The following LAMA1 variants were observed in gnomAD, a reference collection of about 807,000 sequenced individuals.
LAMA1 encodes the protein laminin subunit alpha 1.
LAMA1 carries 219 observed loss-of-function variants against 348.7 expected under a neutral mutation model. The ratio of observed to expected loss-of-function variants is 0.63; its 90% confidence interval spans 0.56 to 0.70. The LOEUF (loss-of-function observed/expected upper bound fraction) is 0.70. Among genes scored for constraint, LAMA1 ranks in the 30% least tolerant of loss-of-function variants. The pLI is 0.00. For synonymous variants in LAMA1, 1,487 were observed against 1,491.0 expected, an observed-to-expected ratio of 1.00 and a Z score of 0.06; for missense variants, 3,744 against 3,888.0, an observed-to-expected ratio of 0.96 and a Z score of 0.99.
At chr18:6,958,360 T>C (rs921407510) in intron 55 of LAMA1, 117 bp downstream of exon 55, 1 of 1,059,686 alleles carries the variant, frequency 9.4e-7, no homozygotes, top group African/African-American at 1.6e-5. Context: ...TCACTCATTA[T>C]TTGGGAATTT....
chr18:7,027,432 C>T (rs915406567), intron 16 of LAMA1, among the ~76,000 whole-genome samples: 5 of 151,814 alleles, frequency 3.3e-5, no homozygotes, highest in African/African-American at 9.7e-5. Context: ...AGGTGTTCTA[C>T]GTACCACTCT....
Position 6,949,071 on chromosome 18 carries a change from T to C in LAMA1, c.8556+30A>G, listed in dbSNP as rs576191474. The C allele has an allele frequency of 3.7e-6, 6 of 1,613,888 alleles. No individual in the cohort carries two copies. The African/African-American group carries it at 8.0e-5, about 22-fold the overall frequency. On this transcript the variant is annotated intron_variant, in intron 59 of 62. Coordinates refer to ENST00000389658, the MANE Select transcript of LAMA1 (RefSeq NM_005559.4). ...AAAATAAACACGAACACAACGAAGG[T>C]AAAATGTCAGTATGGAAAATGCTGC...
rs755383300 is a variant in LAMA1 at position 6,993,735 on chromosome 18, C to T, written c.4914G>A (p.Ala1638=). Residue 1638 remains alanine (A), a synonymous_variant, in exon 35 of 63, where the codon GCG becomes GCA. Transcript: ENST00000389658. ...NLQKKLTRML[A]STQKVNRATE... is the part of the protein sequence containing the mutation. ...TTGCCCTATTCACCTTTTGGGTACTCGCTAACATCCTAGTGAGCTGGTGGA... is the reference window on the plus strand; with the variant it reads ...TTGCCCTATTCACCTTTTGGGTACTTGCTAACATCCTAGTGAGCTGGTGGA... 4.5e-5 allele frequency: 73 copies of T among 1,610,550 alleles called. No homozygotes were observed. Among genetic ancestry groups the T allele is most frequent in the Non-Finnish European group, 5.6e-5 (66 of 1,176,822 alleles).
intron 1 of LAMA1, among the ~76,000 whole-genome samples, chr18:7,102,719 G>A (rs948527698): frequency 3.3e-5 from 5 of 152,106 alleles, no homozygotes; most frequent in Non-Finnish European, 5.9e-5. Flanking sequence ...TAGCACTGGG[G>A]TCTGGAGTAC....
rs769174589 is a variant in LAMA1 at position 6,985,211 on chromosome 18, G to T, written c.5660+26C>A. 2.5e-6 allele frequency: 4 copies of T among 1,613,768 alleles called. No individual in the cohort carries two copies. In the Admixed American group the frequency reaches 6.7e-5, roughly 27 times the overall value. ...TCCGATCAATAGACTGCAAGCTCTT[G>T]AGTTCCCACAAAGGCGTGTTCCTAC... is the stretch of plus-strand genomic sequence containing the variant. On this transcript the variant is annotated intron_variant, in intron 39 of 62. Transcript: ENST00000389658.
chr18:7,043,822 G>A (rs536563116), intron 7 of LAMA1, among the ~76,000 whole-genome samples: 1 of 152,098 alleles, frequency 6.6e-6, no homozygotes, highest in Non-Finnish European at 1.5e-5. Context: ...ATTTCTAATT[G>A]CTAATATGGA....
At chr18:7,039,729 C>A (rs1055922546) in intron 10 of LAMA1, among the ~76,000 whole-genome samples, 2 of 152,090 alleles carry the variant, frequency 1.3e-5, no homozygotes, top group Non-Finnish European at 2.9e-5. Context: ...GGCCCACGAG[C>A]CATAGTTTAC....
intron 26 of LAMA1, 82 bp downstream of exon 26, chr18:7,010,118 T>C: frequency 1.3e-6 from 2 of 1,525,068 alleles, no homozygotes; most frequent in Non-Finnish European, 1.8e-6. Context: ...CTCATTCTCT[T>C]ATTAATGGCT....
chr18:6,950,965 C>T lies in LAMA1; in HGVS notation c.8214G>A (p.Ser2738=), dbSNP rs199886038. The T allele has an allele frequency of 7.4e-6, 12 of 1,613,466 alleles. No individual in the cohort carries two copies. The East Asian group carries it at 8.9e-5, about 12-fold the overall frequency. Residue 2738 remains serine, a synonymous_variant, in exon 58 of 63, where the codon TCG becomes TCA. Transcript: ENST00000389658. ...FNQSAVRKKL[S]VELSIRTFAS... is the part of the protein sequence containing the mutation. ...CGAACGTGCGGATGCTTAGCTCAAC[C>T]GAGAGCCTGGGGAAAACAAGTGCTC...
At chr18:7,044,911 G>T (rs755821447) in intron 6 of LAMA1, 72 bp from the exon 7 acceptor site, 1 of 1,112,644 alleles carries the variant, frequency 9.0e-7, no homozygotes, top group Non-Finnish European at 1.4e-6. Flanking sequence ...ATGGTAAAAA[G>T]AACCTATCTG....
rs552970379 is a variant in LAMA1 at position 6,973,100 on chromosome 18, T to C, written c.6731A>G (p.Asn2244Ser). 1.9e-6 allele frequency: 3 copies of C among 1,614,228 alleles called. No individual in the cohort carries two copies. Among genetic ancestry groups the C allele is most frequent in the African/African-American group, 1.3e-5 (1 of 75,070 alleles). The stretch of plus-strand genomic sequence containing the variant: ...ACCTCCAACAAACATGAGTGTTGAA[T>C]TGTTTACATCCAGAACATTAGCTGT... ...PGTANVLDVNNSTLMFVGGLG... is the reference protein window; with the variant it reads ...PGTANVLDVNSSTLMFVGGLG... The change falls in exon 47 of 63, where the codon AAT becomes AGT. Residue 2244 changes from asparagine (N) to serine (S), a missense_variant. Asn to Ser is a conservative substitution (Grantham distance 46, BLOSUM62 1). Coordinates refer to ENST00000389658, the MANE Select transcript of LAMA1 (RefSeq NM_005559.4).
intron 1 of LAMA1, among the ~76,000 whole-genome samples, chr18:7,086,531 C>G (rs994960128): frequency 3.3e-4 from 50 of 152,292 alleles, no homozygotes; most frequent in African/African-American, 1.2e-3. Context: ...TCAGCATGCC[C>G]CACTGCACTT....
At position 7,015,935 on chromosome 18, in the gene LAMA1, C is replaced by T; in HGVS notation, c.2990-77G>A. The stretch of plus-strand genomic sequence containing the variant: ...GCTAAGAGCTGATGCTGTTATTTCC[C>T]TTTTATTAAGAGTCCAAGCCACTCT... On this transcript the variant is annotated intron_variant, in intron 21 of 62. Transcript: ENST00000389658. 20 of 1,563,896 alleles carry T rather than the reference C, an allele frequency of 1.3e-5. No individual in the cohort carries two copies. In the East Asian group the frequency reaches 2.0e-4, roughly 16 times the overall value.
chr18:7,089,225 C>T (rs1464732853), intron 1 of LAMA1, among the ~76,000 whole-genome samples: 1 of 151,966 alleles, frequency 6.6e-6, no homozygotes, highest in Non-Finnish European at 1.5e-5. Flanking sequence ...ACTAAAAATA[C>T]AAAAAATTAG....
At chr18:6,966,771 A>G (rs1006981516) in intron 48 of LAMA1, among the ~76,000 whole-genome samples, 12 of 152,174 alleles carry the variant, frequency 7.9e-5, no homozygotes. Context: ...TCACAAAACA[A>G]TCATCACTGA....
At chr18:6,965,796 G>A (rs139575924) in intron 49 of LAMA1, 1 of 396,914 alleles carries the variant, frequency 2.5e-6, no homozygotes, top group East Asian at 5.4e-5. Flanking sequence ...AAATTCCCAT[G>A]GATGGAATTC....
chr18:7,042,095 C>T (rs758363881), intron 9 of LAMA1, 50 bp downstream of exon 9: 2 of 1,243,620 alleles, frequency 1.6e-6, no homozygotes, highest in South Asian at 1.3e-5. Context: ...GCAAATCTTC[C>T]ACACACACAC....
intron 26 of LAMA1, 124 bp from the exon 27 acceptor site, chr18:7,009,490 G>T: frequency 9.6e-7 from 1 of 1,040,940 alleles, no homozygotes; most frequent in Non-Finnish European, 1.4e-6. Context: ...GCATGCCACT[G>T]AGTGTAACTG....
intron 57 of LAMA1, 79 bp downstream of exon 57, chr18:6,955,274 G>C: frequency 8.9e-7 from 1 of 1,127,612 alleles, no homozygotes; most frequent in Non-Finnish European, 1.3e-6. Context: ...GGTTCTTTTG[G>C]AAAAGACTCT....
Sources: gnomAD v4.1 joint callset for allele counts (sites outside exome capture counted in the v4.1 genomes callset) on GRCh38, gnomAD v4.1.1 for gene constraint, MANE v1.5 for transcripts, NCBI Gene and HGNC (gene_info 2026-07-23, HGNC 2026-07-21) for gene names.